The following ESRRG variants were observed in gnomAD, a reference collection of about 807,000 sequenced individuals.
The protein encoded by ESRRG is estrogen-related receptor gamma.
ESRRG carries 13 observed loss-of-function variants against 44.0 expected under a neutral mutation model. The observed-to-expected ratio is 0.30, with a 90% CI of 0.19 to 0.47. The LOEUF (loss-of-function observed/expected upper bound fraction) is 0.47. Ranked by LOEUF, ESRRG falls within the 20% of genes least tolerant of loss-of-function variation. ESRRG has a pLI of 1.00. For synonymous variants in ESRRG, 215 were observed against 214.6 expected, an observed-to-expected ratio of 1.00 and a Z score of -0.02; for missense variants, 395 against 580.6, an observed-to-expected ratio of 0.68 and a Z score of 3.29.
intron 3 of ESRRG, among the ~76,000 whole-genome samples, chr1:216,611,211 CAAAAAAAAAAAAA>C (rs397861468): frequency 1.7e-5 from 1 of 60,424 alleles, no homozygotes; most frequent in Non-Finnish European, 2.7e-5. Context: ...ACTCCGTCCT[CAAAAAAAAAAAAA>C]AAAAAAAAAA....
intron 2 of ESRRG, among the ~76,000 whole-genome samples, chr1:216,909,453 A>C (rs1395988074): frequency 2.6e-5 from 4 of 151,276 alleles, no homozygotes; most frequent in Admixed American, 2.0e-4. Flanking sequence ...TACACTAAAC[A>C]CTCCTTGAGG....
chr1:216,676,018 T>C (rs186468344), intron 2 of ESRRG, among the ~76,000 whole-genome samples: 138 of 152,300 alleles, frequency 9.1e-4, no homozygotes, highest in Middle Eastern at 3.4e-3. Flanking sequence ...TGTGGGAAGA[T>C]AGACTTTGTG....
At chr1:216,782,908 T>A (rs1334294819) in intron 2 of ESRRG, among the ~76,000 whole-genome samples, 2 of 152,214 alleles carry the variant, frequency 1.3e-5, no homozygotes, top group African/African-American at 2.4e-5. Flanking sequence ...AGGTATTCAA[T>A]CTTTTGAATC....
chr1:216,807,038 T>C (rs891169559), intron 2 of ESRRG, among the ~76,000 whole-genome samples: 2 of 152,142 alleles, frequency 1.3e-5, no homozygotes, highest in African/African-American at 4.8e-5. Flanking sequence ...AAGGAACCAA[T>C]TCTGAATTTC....
At chr1:217,135,827 G>T (rs1311393851) in intron 1 of ESRRG, among the ~76,000 whole-genome samples, 2 of 152,152 alleles carry the variant, frequency 1.3e-5, no homozygotes, top group South Asian at 4.1e-4. Context: ...GCGGGGATTC[G>T]GGCTGCCGCG....
intron 2 of ESRRG, among the ~76,000 whole-genome samples, chr1:216,796,670 C>A (rs1179275982): frequency 1.3e-5 from 2 of 152,088 alleles, no homozygotes; most frequent in South Asian, 4.1e-4. Context: ...CCCTGTCTCA[C>A]TTCCTGAGGA....
At chr1:217,120,749 T>C (rs1226700677) in intron 1 of ESRRG, among the ~76,000 whole-genome samples, 2 of 152,212 alleles carry the variant, frequency 1.3e-5, no homozygotes, top group African/African-American at 4.8e-5. Context: ...TTAATTCATC[T>C]TTTACATTTT....
chr1:216,941,406 T>A (rs867315080), intron 1 of ESRRG, among the ~76,000 whole-genome samples: 2 of 152,152 alleles, frequency 1.3e-5, no homozygotes, highest in South Asian at 2.1e-4. Flanking sequence ...GGCCGTAGAT[T>A]TCAAGTTAAC....
chr1:216,511,547 T>TCACA (rs79870471), intron 6 of ESRRG, among the ~76,000 whole-genome samples: 4,014 of 144,930 alleles, frequency 0.028, 189 homozygotes, highest in African/African-American at 0.095. Context: ...ATACATAAAT[T>TCACA]CACACACACA....
intron 1 of ESRRG, among the ~76,000 whole-genome samples, chr1:216,974,611 A>G (rs2072471740): frequency 1.3e-5 from 2 of 152,218 alleles, no homozygotes; most frequent in Admixed American, 1.3e-4. Context: ...GGGCAGCAGC[A>G]CTTTAAAACT....
At chr1:216,980,972 A>G (rs2576201) in intron 1 of ESRRG, among the ~76,000 whole-genome samples, 30,908 of 152,084 alleles carry the variant, frequency 0.2, 3,689 homozygotes, top group East Asian at 0.44. Flanking sequence ...ATTTATCCAT[A>G]AAGTCTCAGC....
intron 3 of ESRRG, among the ~76,000 whole-genome samples, chr1:216,632,806 G>A (rs1299857756): frequency 6.6e-6 from 1 of 151,978 alleles, no homozygotes; most frequent in Non-Finnish European, 1.5e-5. Context: ...GTCAATGCCC[G>A]AAAGAAAGTA....
chr1:216,580,044 A>G (rs751788679), intron 3 of ESRRG, among the ~76,000 whole-genome samples: 1 of 152,206 alleles, frequency 6.6e-6, no homozygotes, highest in Non-Finnish European at 1.5e-5. Flanking sequence ...TACTAATTGA[A>G]AAAGCTTTGA....
chr1:216,516,984 G>A (rs1231520526), intron 6 of ESRRG, among the ~76,000 whole-genome samples: 1 of 152,228 alleles, frequency 6.6e-6, no homozygotes, highest in East Asian at 1.9e-4. Flanking sequence ...ACACAGTAGA[G>A]GTGGCACAAT....
chr1:217,109,205 A>T (rs1232946413), intron 1 of ESRRG, among the ~76,000 whole-genome samples: 1 of 152,144 alleles, frequency 6.6e-6, no homozygotes, highest in African/African-American at 2.4e-5. Flanking sequence ...AAAATATTTA[A>T]ATCTGTATAA....
rs945470085 is a variant in ESRRG, at chr1:216,943,718, T to C, written c.-105-4045A>G. On this transcript the variant is annotated intron_variant, in intron 1 of 7. Transcript: ENST00000359162. ...AAAAGGGGAAACACACATATTTCCT[T>C]TAGTCATTCTGAAGATAACCCTAGC... Among the ~76,000 whole-genome samples, 4 of 152,182 alleles carry C rather than the reference T, an allele frequency of 2.6e-5. No individual in the cohort carries two copies. The East Asian group carries it at 7.7e-4, about 29-fold the overall frequency.
intron 1 of ESRRG, among the ~76,000 whole-genome samples, chr1:217,132,805 G>T (rs1033700510): frequency 2.0e-5 from 3 of 152,114 alleles, no homozygotes; most frequent in African/African-American, 7.2e-5. Context: ...GTATTTCTAA[G>T]AGGACAATTC....
intron 2 of ESRRG, among the ~76,000 whole-genome samples, chr1:216,772,500 T>C (rs535387864): frequency 3.3e-5 from 5 of 152,220 alleles, no homozygotes; most frequent in South Asian, 4.1e-4. Flanking sequence ...AGAAAAACAA[T>C]TGTGACACTA....
At chr1:216,793,558 A>G (rs1435051998) in intron 2 of ESRRG, among the ~76,000 whole-genome samples, 2 of 152,174 alleles carry the variant, frequency 1.3e-5, no homozygotes, top group Non-Finnish European at 2.9e-5. Context: ...TCATATCTTC[A>G]GATGACTGCA....
Sources: gnomAD v4.1 joint callset for allele counts (sites outside exome capture counted in the v4.1 genomes callset) on GRCh38, gnomAD v4.1.1 for gene constraint, MANE v1.5 for transcripts, NCBI Gene and HGNC (gene_info 2026-07-23, HGNC 2026-07-21) for gene names.